Variants in ADAMTS19 observed in about 807,000 individuals in gnomAD.
ADAMTS19 encodes the protein ADAM metallopeptidase with thrombospondin type 1 motif 19, also known as A disintegrin and metalloproteinase with thrombospondin motifs 19.
ADAMTS19 carries 93 observed loss-of-function variants against 153.3 expected under a neutral mutation model. That is an observed-to-expected ratio of 0.61 (90% CI 0.51 to 0.72). The LOEUF (loss-of-function observed/expected upper bound fraction) is 0.72, where lower values mean the gene tolerates loss of function less well. Among genes scored for constraint, ADAMTS19 ranks in the 30% least tolerant of loss-of-function variants. ADAMTS19 has a pLI of 0.00. For synonymous variants in ADAMTS19, 600 were observed against 556.6 expected (o/e 1.08, Z -1.10); for missense variants, 1,482 against 1,552.1 (o/e 0.95, Z 0.76).
In ADAMTS19 at chr5:129,648,911, A is replaced by C; in HGVS notation, c.2117A>C (p.Tyr706Ser). The change falls in exon 13 of 23, where the codon TAT becomes TCT. Residue 706 changes from tyrosine to serine, a missense_variant. Physicochemically the swap from Tyr to Ser is moderately radical, Grantham distance 144. Transcript: ENST00000274487. ...TTCAGAGACTGGCAATGTCAGGCTT[A>C]TAGTGTTAGAACTTCCTCCCCAAAG... Reference protein sequence around the residue: ...PGFRDWQCQAYSVRTSSPKHI... With the variant: ...PGFRDWQCQASSVRTSSPKHI... 6.2e-7 allele frequency: 1 copy of C among 1,613,754 alleles called. No individual in the cohort carries two copies. Among genetic ancestry groups the C allele is most frequent in the Non-Finnish European group, 8.5e-7 (1 of 1,179,748 alleles).
intron 10 of ADAMTS19, among the ~76,000 whole-genome samples, chr5:129,640,188 T>C (rs1309096701): frequency 3.3e-5 from 5 of 152,150 alleles, no homozygotes; most frequent in South Asian, 2.1e-4. Flanking sequence ...ACTCTCTCCA[T>C]AGACTTGAAT....
chr5:129,686,966 T>C (rs1403588204), intron 18 of ADAMTS19, among the ~76,000 whole-genome samples: 1 of 151,996 alleles, frequency 6.6e-6, no homozygotes, highest in Non-Finnish European at 1.5e-5. Flanking sequence ...CCTCCCATCC[T>C]CTCCTGCTGA....
chr5:129,467,511 C>G (rs1749906502), intron 2 of ADAMTS19, among the ~76,000 whole-genome samples: 1 of 152,078 alleles, frequency 6.6e-6, no homozygotes, highest in Non-Finnish European at 1.5e-5. Flanking sequence ...TATACATTCA[C>G]AGAATATTAG....
intron 3 of ADAMTS19, among the ~76,000 whole-genome samples, chr5:129,522,348 T>C (rs1157330771): frequency 4.0e-5 from 5 of 123,634 alleles, no homozygotes; most frequent in African/African-American, 9.2e-5. Context: ...TATATATATA[T>C]ATATATATAT....
At chr5:129,698,903 G>C (rs938512457) in intron 19 of ADAMTS19, among the ~76,000 whole-genome samples, 1 of 152,164 alleles carries the variant, frequency 6.6e-6, no homozygotes, top group African/African-American at 2.4e-5. Context: ...CAACATGCTG[G>C]ATAGATGAGG....
chr5:129,577,055 T>A (rs1749162777), intron 7 of ADAMTS19, among the ~76,000 whole-genome samples: 2 of 152,108 alleles, frequency 1.3e-5, no homozygotes, highest in Admixed American at 6.6e-5. Flanking sequence ...TTTCACTGCT[T>A]TTCTTCTTGA....
At position 129,701,427 on chromosome 5, in the gene ADAMTS19, T is replaced by C; in HGVS notation, c.2994T>C (p.Cys998=). 6.2e-7 allele frequency: 1 copy of C among 1,614,138 alleles called. No individual in the cohort carries two copies. Among genetic ancestry groups the C allele is most frequent in the Non-Finnish European group, 8.5e-7 (1 of 1,180,012 alleles). Residue 998 remains cysteine (C), a synonymous_variant, in exon 20 of 23, where the codon TGT becomes TGC. Transcript: ENST00000274487. ...AATGGACCCCTTGTTCACGAACTTG[T>C]GGAAAAGGAATGCAGAGCAGACAAG... is the stretch of plus-strand genomic sequence containing the variant. The part of the protein sequence containing the change: ...MTEWTPCSRT[C]GKGMQSRQVA...
intron 6 of ADAMTS19, among the ~76,000 whole-genome samples, chr5:129,550,073 T>C (rs1753034873): frequency 9.1e-6 from 1 of 110,378 alleles, no homozygotes; most frequent in Non-Finnish European, 1.9e-5. Flanking sequence ...TATCTAGATA[T>C]ACATATACAT....
rs1757759532 is a variant in ADAMTS19, at chr5:129,738,300, C to A, written c.*1082C>A. On this transcript the variant is annotated 3_prime_UTR_variant, in exon 23 of 23. Coordinates refer to ENST00000274487, the MANE Select transcript of ADAMTS19 (RefSeq NM_133638.6). ...ATATTATACATGATTCACATGATTT[C>A]TTAGATTTTTCAATAAAATATGTAA... 6.6e-6 allele frequency: 1 copy of A among 151,960 alleles called. No homozygotes were observed. The highest frequency in any genetic ancestry group is 6.6e-5 in the Admixed American group (1 of 15,220). 9.4% of individuals were successfully genotyped at this position (151,960 alleles called of 1,614,324 possible). A position where few individuals can be genotyped will look rare whatever the true frequency, so the allele number is the denominator to read the frequency against.
chr5:129,678,316 TC>T (rs1037320588), intron 16 of ADAMTS19, among the ~76,000 whole-genome samples: 7 of 152,182 alleles, frequency 4.6e-5, no homozygotes, highest in Non-Finnish European at 1.0e-4. Context: ...TTCCCTTATT[TC>T]CCTTCACTAA....
intron 3 of ADAMTS19, among the ~76,000 whole-genome samples, chr5:129,512,537 G>A (rs1370915769): frequency 6.6e-6 from 1 of 152,014 alleles, no homozygotes; most frequent in East Asian, 1.9e-4. Flanking sequence ...ACTTCAATAT[G>A]CATGATTTTC....
In ADAMTS19 at chr5:129,602,354, G is replaced by C. The variant is rs184765504; in HGVS notation, c.1478+5690G>C. Among the ~76,000 whole-genome samples, 134 of 152,254 alleles carry C rather than the reference G, an allele frequency of 8.8e-4. 1 individual carries two copies. The highest frequency in any genetic ancestry group is 4.8e-3 in the Admixed American group (74 of 15,298). On this transcript the variant is annotated intron_variant, in intron 8 of 22. Coordinates refer to ENST00000274487, the MANE Select transcript of ADAMTS19 (RefSeq NM_133638.6). ...GATCCGCCCGCCTCAGCCTCCCAAC[G>C]TGCTGGGATTACAGCACTTCGCACC...
chr5:129,547,623 C>T (rs1327656426), intron 6 of ADAMTS19, among the ~76,000 whole-genome samples: 1 of 150,300 alleles, frequency 6.7e-6, no homozygotes, highest in Non-Finnish European at 1.5e-5. Flanking sequence ...AGATTCAATG[C>T]CATCCCCATC....
At chr5:129,543,040 G>GTTTT (rs201935631) in intron 6 of ADAMTS19, among the ~76,000 whole-genome samples, 22 of 144,832 alleles carry the variant, frequency 1.5e-4, no homozygotes, top group Non-Finnish European at 2.1e-4. Flanking sequence ...TGTTGTTGTT[G>GTTTT]TTGTTTTGTT....
intron 2 of ADAMTS19, among the ~76,000 whole-genome samples, chr5:129,495,374 C>T (rs944051403): frequency 1.3e-5 from 2 of 151,974 alleles, no homozygotes; most frequent in African/African-American, 4.8e-5. Context: ...CGCTACAGAA[C>T]ATCCAAGAAA....
chr5:129,540,286 A>T (rs147326079), intron 6 of ADAMTS19, among the ~76,000 whole-genome samples: 171 of 152,180 alleles, frequency 1.1e-3, no homozygotes, highest in African/African-American at 3.6e-3. Context: ...ACAAATCCAA[A>T]CCTATCTGAG....
chr5:129,733,847 C>A (rs1331294311), intron 21 of ADAMTS19, among the ~76,000 whole-genome samples: 1 of 151,894 alleles, frequency 6.6e-6, no homozygotes, highest in Non-Finnish European at 1.5e-5. Flanking sequence ...CAAAAAGACA[C>A]CTCCACTCAT....
intron 7 of ADAMTS19, among the ~76,000 whole-genome samples, chr5:129,568,647 T>C (rs1753796086): frequency 6.6e-6 from 1 of 151,902 alleles, no homozygotes; most frequent in Non-Finnish European, 1.5e-5. Flanking sequence ...TAATGAGACC[T>C]TGTTGCCACA....
chr5:129,690,257 C>T (rs1755273009), intron 18 of ADAMTS19, among the ~76,000 whole-genome samples: 1 of 152,184 alleles, frequency 6.6e-6, no homozygotes, highest in Non-Finnish European at 1.5e-5. Flanking sequence ...CAAGGATATA[C>T]CTCGGTGCAA....
Sources: gnomAD v4.1 joint callset for allele counts (sites outside exome capture counted in the v4.1 genomes callset) on GRCh38, gnomAD v4.1.1 for gene constraint, MANE v1.5 for transcripts, NCBI Gene and HGNC (gene_info 2026-07-23, HGNC 2026-07-21) for gene names.